Variants in EFNA5 observed in about 807,000 individuals in gnomAD.
EFNA5 encodes ephrin A5, also known as ephrin-A5.
EFNA5 carries 5 observed loss-of-function variants against 22.9 expected under a neutral mutation model. The observed-to-expected ratio is 0.22, with a 90% CI of 0.11 to 0.46. The LOEUF is 0.46. Among genes scored for constraint, EFNA5 ranks in the 20% least tolerant of loss-of-function variants. The pLI, the probability that EFNA5 is intolerant of heterozygous loss-of-function variation, is 0.99. For synonymous variants in EFNA5, 113 were observed against 112.2 expected (o/e 1.01, Z -0.04); for missense variants, 237 against 293.3 (o/e 0.81, Z 1.40).
chr5:107,641,331 C>G (rs903930433), intron 1 of EFNA5, among the ~76,000 whole-genome samples: 2 of 149,794 alleles, frequency 1.3e-5, no homozygotes, highest in African/African-American at 4.9e-5. Flanking sequence ...GCACTCCAGC[C>G]TGGGCAACAG....
intron 1 of EFNA5, among the ~76,000 whole-genome samples, chr5:107,476,461 G>C (rs1328752312): frequency 1.3e-5 from 2 of 152,086 alleles, no homozygotes; most frequent in African/African-American, 4.8e-5. Flanking sequence ...CTGTTCAAGT[G>C]ATAAACAAAA....
intron 1 of EFNA5, among the ~76,000 whole-genome samples, chr5:107,526,276 T>C (rs1402483599): frequency 6.6e-6 from 1 of 152,224 alleles, no homozygotes; most frequent in African/African-American, 2.4e-5. Flanking sequence ...AGGTTTCAAC[T>C]AGAAGACTCA....
chr5:107,513,685 G>A (rs748881557), intron 1 of EFNA5, among the ~76,000 whole-genome samples: 1 of 152,184 alleles, frequency 6.6e-6, no homozygotes, highest in Non-Finnish European at 1.5e-5. Context: ...AAAACTGCTT[G>A]TGATTCATAA....
intron 1 of EFNA5, among the ~76,000 whole-genome samples, chr5:107,467,350 A>G (rs57479486): frequency 0.013 from 1,928 of 152,302 alleles, 41 homozygotes; most frequent in African/African-American, 0.045. Flanking sequence ...AAGTCTCACT[A>G]TAGTGCTAAT....
intron 1 of EFNA5, among the ~76,000 whole-genome samples, chr5:107,668,591 TG>T (rs1294598833): frequency 6.6e-6 from 1 of 152,042 alleles, no homozygotes; most frequent in Non-Finnish European, 1.5e-5. Flanking sequence ...AAGATCACAA[TG>T]TGGAGCTTGG....
chr5:107,567,217 A>T (rs1436073053), intron 1 of EFNA5, among the ~76,000 whole-genome samples: 1 of 152,214 alleles, frequency 6.6e-6, no homozygotes, highest in Non-Finnish European at 1.5e-5. Flanking sequence ...CGCACCAAAA[A>T]AAAAGGTCCC....
At chr5:107,390,510 G>T (rs1747762723) in intron 2 of EFNA5, among the ~76,000 whole-genome samples, 1 of 152,058 alleles carries the variant, frequency 6.6e-6, no homozygotes, top group Admixed American at 6.6e-5. Flanking sequence ...AAAATCTCAG[G>T]ATCAATTTAT....
At chr5:107,669,162 G>A (rs915649088) in intron 1 of EFNA5, among the ~76,000 whole-genome samples, 4 of 151,964 alleles carry the variant, frequency 2.6e-5, no homozygotes, top group Admixed American at 2.0e-4. Flanking sequence ...TGCATGCTGA[G>A]GGGAGGCTGG....
chr5:107,499,344 C>A (rs1747079473), intron 1 of EFNA5, among the ~76,000 whole-genome samples: 1 of 152,178 alleles, frequency 6.6e-6, no homozygotes, highest in African/African-American at 2.4e-5. Context: ...AATTAAAGAG[C>A]CTGCATCTGC....
chr5:107,448,881 A>AAAATG (rs1561390950), intron 1 of EFNA5, among the ~76,000 whole-genome samples: 21 of 151,356 alleles, frequency 1.4e-4, no homozygotes, highest in African/African-American at 4.8e-4. Flanking sequence ...AAAATAAAAT[A>AAAATG]AAAACAAAAA....
intron 1 of EFNA5, among the ~76,000 whole-genome samples, chr5:107,666,651 G>C (rs1248439378): frequency 6.6e-6 from 1 of 152,098 alleles, no homozygotes; most frequent in Non-Finnish European, 1.5e-5. Context: ...CCAGGTTGAG[G>C]ACGACTGGTA....
Position 107,447,288 on chromosome 5 carries a change from G to A in EFNA5, c.126-19779C>T, listed in dbSNP as rs115315601. ...TAGACTAAATGATGTTTCTCTACAG[G>A]AAGGCCTGTTTTAACTTAAACTTTA... On this transcript the variant is annotated intron_variant, in intron 1 of 4. Coordinates refer to ENST00000333274, the MANE Select transcript of EFNA5 (RefSeq NM_001962.3). 5.6e-3 allele frequency among the ~76,000 whole-genome samples: 851 copies of A among 151,508 alleles called. 7 individuals carry two copies. Among genetic ancestry groups the A allele is most frequent in the African/African-American group, 0.02 (810 of 41,462 alleles).
chr5:107,516,072 A>G (rs1370545832), intron 1 of EFNA5, among the ~76,000 whole-genome samples: 2 of 151,902 alleles, frequency 1.3e-5, no homozygotes, highest in African/African-American at 4.8e-5. Flanking sequence ...TGGTATAATC[A>G]TGGCTCACTG....
chr5:107,589,921 A>T (rs1218272241), intron 1 of EFNA5, among the ~76,000 whole-genome samples: 1 of 152,240 alleles, frequency 6.6e-6, no homozygotes, highest in South Asian at 2.1e-4. Context: ...CCTTCTAGAA[A>T]CCCTGCCAGA....
intron 1 of EFNA5, among the ~76,000 whole-genome samples, chr5:107,594,736 G>C (rs1309241973): frequency 6.6e-6 from 1 of 152,166 alleles, no homozygotes; most frequent in Non-Finnish European, 1.5e-5. Flanking sequence ...TCCCCTGACA[G>C]GCCTTATAGG....
intron 1 of EFNA5, among the ~76,000 whole-genome samples, chr5:107,495,845 A>C (rs2112419603): frequency 6.6e-6 from 1 of 152,288 alleles, no homozygotes; most frequent in Admixed American, 6.5e-5. Flanking sequence ...TGCTGGGTTC[A>C]GTTTGCCTGG....
intron 1 of EFNA5, among the ~76,000 whole-genome samples, chr5:107,652,947 C>A (rs1449179112): frequency 1.3e-5 from 2 of 151,630 alleles, no homozygotes; most frequent in African/African-American, 2.4e-5. Context: ...CTCTTCAGAA[C>A]TTTCATTTCA....
At chr5:107,426,699 T>C (rs73194994) in intron 2 of EFNA5, among the ~76,000 whole-genome samples, 4,293 of 152,276 alleles carry the variant, frequency 0.028, 107 homozygotes, top group African/African-American at 0.066. Context: ...TTCACAAGTC[T>C]TTCCTGTTTA....
At chr5:107,627,395 T>G (rs1430486936) in intron 1 of EFNA5, among the ~76,000 whole-genome samples, 2 of 152,224 alleles carry the variant, frequency 1.3e-5, no homozygotes, top group African/African-American at 2.4e-5. Flanking sequence ...AAGTCTTCAT[T>G]AACTACTGCC....
Sources: allele counts gnomAD v4.1 joint callset (sites outside exome capture counted in the v4.1 genomes callset), GRCh38; gene constraint gnomAD v4.1.1; transcripts MANE v1.5; gene names NCBI Gene and HGNC (gene_info 2026-07-23, HGNC 2026-07-21).